Variants in ZNF610 observed in about 807,000 individuals in gnomAD.
ZNF610 encodes the protein zinc finger protein 610.
A neutral mutation model predicts 14.1 loss-of-function variants in ZNF610; 14 were observed. That is an observed-to-expected ratio of 0.99 (90% CI 0.65 to 1.55). The LOEUF (loss-of-function observed/expected upper bound fraction) is 1.55. Ranked by LOEUF, ZNF610 falls within the 40% of genes most tolerant of loss-of-function variation. The probability of loss-of-function intolerance (pLI) is 0.00; values close to 1 mark genes in which losing one functional copy is unlikely to be tolerated. For synonymous variants in ZNF610, 185 were observed against 187.6 expected, an observed-to-expected ratio of 0.99 and a Z score of 0.11; for missense variants, 530 against 558.0, an observed-to-expected ratio of 0.95 and a Z score of 0.51.
chr19:52,363,501 C>T (rs1985884195), intron 5 of ZNF610, among the ~76,000 whole-genome samples: 1 of 152,050 alleles, frequency 6.6e-6, no homozygotes, highest in African/African-American at 2.4e-5. Context: ...ATCTGTTTCT[C>T]CTTTGAATTT....
chr19:52,364,113 C>T (rs1352774272), intron 5 of ZNF610, among the ~76,000 whole-genome samples: 4 of 152,080 alleles, frequency 2.6e-5, no homozygotes, highest in African/African-American at 4.8e-5. Flanking sequence ...GATTAGGTAC[C>T]GAAAGCATTA....
chr19:52,335,732 G>C (rs534342052), upstream of ZNF610, among the ~76,000 whole-genome samples: 4 of 152,296 alleles, frequency 2.6e-5, no homozygotes, highest in Admixed American at 2.6e-4. Context: ...TCTGTGGGCC[G>C]TCAGCATGAA....
intron 1 of ZNF610, among the ~76,000 whole-genome samples, chr19:52,336,780 C>T (rs950113772): frequency 6.6e-6 from 1 of 152,142 alleles, no homozygotes; most frequent in Non-Finnish European, 1.5e-5. Flanking sequence ...ACTCCCCAGG[C>T]CTCCCCTTCG....
At position 52,366,176 on chromosome 19, in the gene ZNF610, C is replaced by A; in HGVS notation, c.798C>A (p.Asp266Glu). 1 of 1,613,536 alleles carries A rather than the reference C, an allele frequency of 6.2e-7. No individual in the cohort carries two copies. The highest frequency in any genetic ancestry group is 8.5e-7 in the Non-Finnish European group (1 of 1,179,644). The change falls in exon 6 of 6, where the codon GAC becomes GAA. Residue 266 changes from aspartate (D) to glutamate (E), a missense_variant. Physicochemically the swap from Asp to Glu is conservative, Grantham distance 45. Transcript: ENST00000403906. Reference sequence around the variant, plus strand: ...AGCCTTACAAATGTAGTGAATGTGACAAGGTGTTTAATCGCAATTCAAACC... The same window carrying A: ...AGCCTTACAAATGTAGTGAATGTGAAAAGGTGTTTAATCGCAATTCAAACC... ...GQKPYKCSEC[D>E]KVFNRNSNLA... is the part of the protein sequence containing the mutation.
intron 1 of ZNF610, chr19:52,345,315 C>T (rs1984885707): frequency 6.6e-6 from 1 of 152,194 alleles, no homozygotes; most frequent in African/African-American, 2.4e-5. Flanking sequence ...CACTGTTACA[C>T]TGGAGATGAG....
chr19:52,354,578 C>A, intron 5 of ZNF610, among the ~76,000 whole-genome samples, 199 bp downstream of exon 5: 1 of 128,202 alleles, frequency 7.8e-6, no homozygotes. Flanking sequence ...CAAAGCCATA[C>A]TATTTTTTTT....
upstream of ZNF610, among the ~76,000 whole-genome samples, chr19:52,335,658 T>A (rs1360899590): frequency 9.9e-5 from 15 of 152,094 alleles, no homozygotes; most frequent in Non-Finnish European, 5.9e-5. Flanking sequence ...CCTCCCAGCC[T>A]ACATCTTTCT....
intron 1 of ZNF610, 23 bp downstream of exon 1, chr19:52,336,529 C>G (rs918378683): frequency 6.4e-6 from 1 of 157,028 alleles, no homozygotes; most frequent in South Asian, 1.7e-4. Context: ...TTTCGAGACT[C>G]CTTTCCGCTT....
chr19:52,345,007 C>T (rs1479554877), intron 1 of ZNF610: 1 of 152,254 alleles, frequency 6.6e-6, no homozygotes. Flanking sequence ...GTCTTGAACT[C>T]CTGAGCTCAG....
chr19:52,335,070 G>A (rs577738048), upstream of ZNF610, among the ~76,000 whole-genome samples: 1 of 14,626 alleles, frequency 6.8e-5, no homozygotes, highest in Non-Finnish European at 1.3e-4. Context: ...CGGGGCGTGG[G>A]GGGGGGGTGT....
At chr19:52,346,610 T>C (rs1398824356) in intron 1 of ZNF610, among the ~76,000 whole-genome samples, 1 of 152,194 alleles carries the variant, frequency 6.6e-6, no homozygotes, top group Non-Finnish European at 1.5e-5. Context: ...AAAAGGTGTT[T>C]ATTAATAGAA....
intron 3 of ZNF610, among the ~76,000 whole-genome samples, chr19:52,350,896 A>G (rs763929341): frequency 3.3e-5 from 5 of 152,036 alleles, no homozygotes; most frequent in Admixed American, 1.3e-4. Flanking sequence ...GCTCCTTGGG[A>G]GACTGAGGCA....
chr19:52,342,663 A>G (rs1162123302), intron 1 of ZNF610, among the ~76,000 whole-genome samples: 1 of 151,556 alleles, frequency 6.6e-6, no homozygotes, highest in Non-Finnish European at 1.5e-5. Flanking sequence ...CCGAGCTGGG[A>G]CTACAGGTCC....
chr19:52,360,508 C>T (rs908298832), intron 5 of ZNF610, among the ~76,000 whole-genome samples: 1 of 152,138 alleles, frequency 6.6e-6, no homozygotes, highest in African/African-American at 2.4e-5. Context: ...GAAAAGCCTT[C>T]ATTATTTCAA....
upstream of ZNF610, among the ~76,000 whole-genome samples, chr19:52,332,831 C>T (rs1477758055): frequency 6.6e-6 from 1 of 152,128 alleles, no homozygotes; most frequent in Non-Finnish European, 1.5e-5. The surrounding 1 kb of genome is among the most constrained non-coding windows in gnomAD (Gnocchi z 4.1). Flanking sequence ...CCCATGGTTC[C>T]TGGAGGAAGG....
intron 1 of ZNF610, among the ~76,000 whole-genome samples, chr19:52,346,518 G>A (rs547973077): frequency 3.3e-5 from 5 of 152,022 alleles, no homozygotes; most frequent in East Asian, 1.9e-4. Flanking sequence ...GGTTAGTCTC[G>A]AACTCTTGGC....
intron 5 of ZNF610, among the ~76,000 whole-genome samples, chr19:52,360,743 T>C (rs1023230935): frequency 2.0e-5 from 3 of 152,220 alleles, no homozygotes; most frequent in Admixed American, 6.5e-5. Flanking sequence ...ATCGTTGCAT[T>C]CCAGGAGTGA....
upstream of ZNF610, among the ~76,000 whole-genome samples, chr19:52,332,571 G>GC (rs1984238595): frequency 6.6e-6 from 1 of 152,060 alleles, no homozygotes; most frequent in Non-Finnish European, 1.5e-5. This position sits in a 1 kb window ranked among gnomAD's most constrained non-coding sequence, Gnocchi z 4.1. Context: ...ATAAAAATTG[G>GC]GCTATACAGC....
upstream of ZNF610, among the ~76,000 whole-genome samples, chr19:52,331,869 C>T (rs1424452937): frequency 6.6e-6 from 1 of 152,168 alleles, no homozygotes; most frequent in Non-Finnish European, 1.5e-5. Context: ...CCACATTTGC[C>T]CCCTTTGTTC....
Sources: gnomAD v4.1 joint callset for allele counts (sites outside exome capture counted in the v4.1 genomes callset) on GRCh38, gnomAD v4.1.1 for gene constraint, Gnocchi (gnomAD v3.1) non-coding constraint, MANE v1.5 for transcripts, NCBI Gene and HGNC (gene_info 2026-07-23, HGNC 2026-07-21) for gene names.